SORBS3: variants seen among roughly 807,000 people sequenced by gnomAD.
SORBS3 encodes vinexin.
In SORBS3, 69 loss-of-function variants were observed where a neutral mutation model predicts 98.0. The ratio of observed to expected loss-of-function variants is 0.70; its 90% CI spans 0.58 to 0.86. The LOEUF is 0.86. SORBS3 is among the 40% of genes least tolerant of loss of function. The pLI is 0.00. For missense variants in SORBS3, 954 were observed against 908.5 expected, an observed-to-expected ratio of 1.05 and a Z score of -0.64; for synonymous variants, 394 against 355.4, an observed-to-expected ratio of 1.11 and a Z score of -1.22.
chr8:22,551,884 G>C, upstream of SORBS3: 2 of 985,356 alleles, frequency 2.0e-6, no homozygotes, highest in Non-Finnish European at 1.2e-6. The surrounding 1 kb of genome is among the most constrained non-coding windows in gnomAD (Gnocchi z 5.8). Flanking sequence ...GGCCCGTCCT[G>C]ACCCGGTCAC....
At chr8:22,559,339 G>A (rs1840247131) in intron 5 of SORBS3, among the ~76,000 whole-genome samples, 1 of 152,200 alleles carries the variant, frequency 6.6e-6, no homozygotes, top group African/African-American at 2.4e-5. Flanking sequence ...GAGAGTCAAG[G>A]ATGGTTTTAA....
chr8:22,552,704 G>A (rs1317213588), intron 1 of SORBS3, among the ~76,000 whole-genome samples: 1 of 152,182 alleles, frequency 6.6e-6, no homozygotes, highest in African/African-American at 2.4e-5. Flanking sequence ...TGGCCCAGGC[G>A]GCAGCTGCTG....
chr8:22,569,333 T>G, intron 17 of SORBS3, 60 bp downstream of exon 17: 1 of 1,405,538 alleles, frequency 7.1e-7, no homozygotes, highest in Admixed American at 2.7e-5. Context: ...GGTAAATATG[T>G]GCACTAAAAA....
At chr8:22,550,142 T>C, upstream of SORBS3, 1 of 433,216 alleles carries the variant, frequency 2.3e-6, no homozygotes. Context: ...GATAAGAAGG[T>C]TTCTAAGCTT....
At position 22,574,895 on chromosome 8, in the gene SORBS3, G is replaced by T. The variant is rs1586912891; in HGVS notation, c.*167G>T. 1 of 713,156 alleles carries T rather than the reference G, an allele frequency of 1.4e-6. No homozygotes were observed. The highest frequency in any genetic ancestry group is 2.5e-6 in the Non-Finnish European group (1 of 394,678). 44.2% of individuals were successfully genotyped at this position (713,156 alleles called of 1,614,324 possible). On this transcript the variant is annotated 3_prime_UTR_variant, in exon 21 of 21. Transcript: ENST00000240123. ...CTCGGACCCCCCTCGAAGCCCCCTGGACTGATTCCCACCCACGACTCACAG... is the reference window on the plus strand; with the variant it reads ...CTCGGACCCCCCTCGAAGCCCCCTGTACTGATTCCCACCCACGACTCACAG...
At chr8:22,557,577 G>A (rs540667835) in intron 4 of SORBS3, among the ~76,000 whole-genome samples, 9 of 152,244 alleles carry the variant, frequency 5.9e-5, no homozygotes, top group African/African-American at 2.2e-4. Context: ...AGGTCAAGGC[G>A]GGAGGATTGC....
At chr8:22,569,554 G>C (rs1840517043) in intron 17 of SORBS3, among the ~76,000 whole-genome samples, 1 of 152,134 alleles carries the variant, frequency 6.6e-6, no homozygotes, top group South Asian at 2.1e-4. Flanking sequence ...TGGCCAGGAT[G>C]GTCTCAGTCT....
upstream of SORBS3, among the ~76,000 whole-genome samples, chr8:22,548,120 C>T (rs184716254): frequency 4.3e-4 from 65 of 152,296 alleles, no homozygotes; most frequent in East Asian, 6.6e-3. Flanking sequence ...CACTCAGATC[C>T]CTCACTCTAC....
intron 4 of SORBS3, among the ~76,000 whole-genome samples, chr8:22,557,513 T>C (rs1840207632): frequency 6.6e-6 from 1 of 152,182 alleles, no homozygotes; most frequent in South Asian, 2.1e-4. Flanking sequence ...ACATTATTGC[T>C]GTCATTTTTG....
At chr8:22,560,862 TGTGTGTGTGTGC>T (rs879943056) in intron 5 of SORBS3, 3,748 of 139,764 alleles carry the variant, frequency 0.027, 101 homozygotes, top group African/African-American at 0.07. Context: ...TGTGTGTGTG[TGTGTGTGTGTGC>T]GCGCGCGCAC....
Position 22,554,274 on chromosome 8 carries a change from C to T in SORBS3, c.-55-178C>T, listed in dbSNP as rs1240266377. ...TTGTGCCCCTGGGAGCCGGCAGGCA[C>T]GGGCAGCCTGCAGGCGGGTGCCTGG... On this transcript the variant is annotated intron_variant, in intron 1 of 20. Coordinates refer to ENST00000240123, the MANE Select transcript of SORBS3 (RefSeq NM_005775.5). This position sits in a 1 kb window ranked among gnomAD's most constrained non-coding sequence, Gnocchi z 6.5. 3.0e-5 allele frequency: 16 copies of T among 530,772 alleles called. No individual in the cohort carries two copies. The highest frequency in any genetic ancestry group is 7.3e-5 in the East Asian group (2 of 27,262). 32.9% of individuals were successfully genotyped at this position (530,772 alleles called of 1,614,324 possible). A position where few individuals can be genotyped will look rare whatever the true frequency, so the allele number is the denominator to read the frequency against.
intron 11 of SORBS3, 113 bp downstream of exon 11, chr8:22,565,467 C>T: frequency 1.2e-6 from 1 of 841,824 alleles, no homozygotes; most frequent in Non-Finnish European, 1.7e-6. Flanking sequence ...GGTCCGGCCT[C>T]CAGCGGCGCG....
intron 12 of SORBS3, 162 bp from the exon 13 acceptor site, chr8:22,566,183 C>G: frequency 1.0e-6 from 1 of 964,172 alleles, no homozygotes; most frequent in Non-Finnish European, 1.4e-6. Flanking sequence ...CCCCGCGCAG[C>G]GACTCGGGAA....
intron 8 of SORBS3, 102 bp downstream of exon 8, chr8:22,564,179 C>G (rs987662930): frequency 2.0e-6 from 3 of 1,487,804 alleles, no homozygotes; most frequent in East Asian, 4.7e-5. Flanking sequence ...TGGAGGACAC[C>G]GTGGGCCCAG....
rs184138745 is a variant in SORBS3 at position 22,563,114 on chromosome 8, G to A, written c.585-873G>A. 5.4e-3 allele frequency among the ~76,000 whole-genome samples: 807 copies of A among 149,794 alleles called. 1 individual carries two copies. The highest frequency in any genetic ancestry group is 8.5e-3 in the Non-Finnish European group (575 of 67,732). On this transcript the variant is annotated intron_variant, in intron 7 of 20. Transcript: ENST00000240123. ...AGCCTGGGCGACAGAGCGAGACTCC[G>A]TATCAAAAAAAAAAAAAATTATGAT... is the stretch of plus-strand genomic sequence containing the variant.
chr8:22,553,955 C>A (rs116161398), intron 1 of SORBS3, among the ~76,000 whole-genome samples: 2,481 of 152,336 alleles, frequency 0.016, 69 homozygotes, highest in African/African-American at 0.057. Flanking sequence ...TGACTGCTTC[C>A]TGGAGGGCAG....
Position 22,554,625 on chromosome 8 carries a change from G to A in SORBS3, c.102+17G>A. 6.2e-7 allele frequency: 1 copy of A among 1,606,412 alleles called. No individual in the cohort carries two copies. Among genetic ancestry groups the A allele is most frequent in the Non-Finnish European group, 8.5e-7 (1 of 1,178,054 alleles). On this transcript the variant is annotated intron_variant, in intron 2 of 20. Coordinates refer to ENST00000240123, the MANE Select transcript of SORBS3 (RefSeq NM_005775.5). This position sits in a 1 kb window ranked among gnomAD's most constrained non-coding sequence, Gnocchi z 6.5. Reference sequence around the variant, plus strand: ...GGGACACGGGTGAGTGAGTCAGTAGGGAGGAGGGTGTCCTGCGGGCCCGGA... The same window carrying A: ...GGGACACGGGTGAGTGAGTCAGTAGAGAGGAGGGTGTCCTGCGGGCCCGGA...
chr8:22,546,618 A>G (rs1201758879), intron 1 of SORBS3, among the ~76,000 whole-genome samples: 1 of 152,240 alleles, frequency 6.6e-6, no homozygotes, highest in Non-Finnish European at 1.5e-5. Flanking sequence ...AAAGGAAGAA[A>G]GACATCCCAG....
In SORBS3 at chr8:22,554,553, A is replaced by G. The variant is rs748833925; in HGVS notation, c.47A>G (p.Asp16Gly). The part of the protein sequence containing the change: ...RSLRAGLSLD[D>G]FIPGHLQSHI... ...CTCCGCGCTGGGCTCAGCCTGGACG[A>G]CTTCATCCCTGGCCACCTCCAGTCC... Residue 16 changes from aspartate (D) to glycine (G), a missense_variant, in exon 2 of 21, where the codon GAC becomes GGC. Transcript: ENST00000240123. The surrounding 1 kb of genome is among the most constrained non-coding windows in gnomAD (Gnocchi z 6.5). 1 of 1,612,892 alleles carries G rather than the reference A, an allele frequency of 6.2e-7. No homozygotes were observed. The highest frequency in any genetic ancestry group is 2.2e-5 in the East Asian group (1 of 44,860).
Sources: allele counts gnomAD v4.1 joint callset (sites outside exome capture counted in the v4.1 genomes callset), GRCh38; gene constraint gnomAD v4.1.1; non-coding constraint Gnocchi (gnomAD v3.1); transcripts MANE v1.5; gene names NCBI Gene and HGNC (gene_info 2026-07-23, HGNC 2026-07-21).